Variants in KAT6B observed in about 807,000 individuals in gnomAD.
KAT6B encodes lysine acetyltransferase 6B, also known as histone acetyltransferase KAT6B.
KAT6B carries 10 observed loss-of-function variants against 187.5 expected under a neutral mutation model. The observed-to-expected ratio is 0.05, with a 90% CI of 0.03 to 0.09. The LOEUF (loss-of-function observed/expected upper bound fraction) is 0.09, where lower values mean the gene tolerates loss of function less well. KAT6B is among the 10% of genes least tolerant of loss of function. KAT6B has a pLI of 1.00. For missense variants in KAT6B, 1,952 were observed against 2,558.9 expected (o/e 0.76, Z 5.12); for synonymous variants, 861 against 926.8 (o/e 0.93, Z 1.29).
chr10:74,830,012 G>C (rs1236747555), intron 1 of KAT6B, among the ~76,000 whole-genome samples: 1 of 133,316 alleles, frequency 7.5e-6, no homozygotes. Context: ...GCGAGACTCT[G>C]TCTCAAAAAA....
chr10:74,936,409 A>T (rs1303929646), intron 3 of KAT6B, among the ~76,000 whole-genome samples: 2 of 152,138 alleles, frequency 1.3e-5, no homozygotes, highest in Non-Finnish European at 2.9e-5. Context: ...TCTCAAAAAA[A>T]AAAAAAAAGA....
At chr10:74,916,883 C>T (rs531929770) in intron 3 of KAT6B, among the ~76,000 whole-genome samples, 1 of 152,308 alleles carries the variant, frequency 6.6e-6, no homozygotes, top group Admixed American at 6.5e-5. Context: ...GGGTGGATGT[C>T]TTGAGCTCAG....
chr10:74,894,698 T>G (rs1482548340), intron 3 of KAT6B, among the ~76,000 whole-genome samples: 1 of 152,246 alleles, frequency 6.6e-6, no homozygotes, highest in African/African-American at 2.4e-5. Flanking sequence ...TTTATTTCAC[T>G]TAGCTTAATG....
intron 3 of KAT6B, among the ~76,000 whole-genome samples, chr10:74,867,511 A>C (rs1183642523): frequency 1.3e-5 from 2 of 152,190 alleles, no homozygotes; most frequent in Non-Finnish European, 2.9e-5. Context: ...ATAACTTACT[A>C]ACAAGTTGTT....
chr10:74,917,304 A>G (rs1847762842), intron 3 of KAT6B, among the ~76,000 whole-genome samples: 1 of 152,204 alleles, frequency 6.6e-6, no homozygotes, highest in African/African-American at 2.4e-5. Flanking sequence ...TAAAAAAATT[A>G]TCAGGAAATT....
At position 74,834,389 on chromosome 10, in the gene KAT6B, A is replaced by G. The variant is rs574236858; in HGVS notation, c.-328-4294A>G. On this transcript the variant is annotated intron_variant, in intron 1 of 17. Coordinates refer to ENST00000287239, the MANE Select transcript of KAT6B (RefSeq NM_012330.4). Reference sequence around the variant, plus strand: ...ATTTTTTGTATTTTAGTAGAGATGGAGTTTCACCATGTTGGCCAGGATGGT... The same window carrying G: ...ATTTTTTGTATTTTAGTAGAGATGGGGTTTCACCATGTTGGCCAGGATGGT... Among the ~76,000 whole-genome samples, 34 of 151,852 alleles carry G rather than the reference A, an allele frequency of 2.2e-4. No individual in the cohort carries two copies. The East Asian group carries it at 2.7e-3, about 12-fold the overall frequency.
chr10:74,867,887 A>G (rs1375037245), intron 3 of KAT6B, among the ~76,000 whole-genome samples: 1 of 152,152 alleles, frequency 6.6e-6, no homozygotes, highest in East Asian at 1.9e-4. Flanking sequence ...CCCTTTTGAC[A>G]CTGTTTTCTG....
chr10:74,934,704 TTC>T (rs1849118759), intron 3 of KAT6B, among the ~76,000 whole-genome samples: 1 of 152,200 alleles, frequency 6.6e-6, no homozygotes, highest in African/African-American at 2.4e-5. Flanking sequence ...AGCTATCGTT[TTC>T]TTAGACTCTG....
chr10:74,844,800 A>G (rs1841982882), intron 3 of KAT6B, among the ~76,000 whole-genome samples: 1 of 152,244 alleles, frequency 6.6e-6, no homozygotes, highest in African/African-American at 2.4e-5. Flanking sequence ...GTAGAGCAGC[A>G]GAAAGTTATT....
intron 16 of KAT6B, chr10:75,023,850 A>C (rs1372377843): frequency 3.3e-5 from 5 of 152,138 alleles, no homozygotes; most frequent in African/African-American, 4.8e-5. Context: ...TATAAAAAAT[A>C]AATAAGTATT....
At chr10:74,864,873 C>T (rs1843443392) in intron 3 of KAT6B, among the ~76,000 whole-genome samples, 1 of 152,222 alleles carries the variant, frequency 6.6e-6, no homozygotes, top group African/African-American at 2.4e-5. Flanking sequence ...TGTATTCTTA[C>T]AGGGCTTTTT....
chr10:74,924,325 C>T (rs947614365), intron 3 of KAT6B, among the ~76,000 whole-genome samples: 4 of 152,194 alleles, frequency 2.6e-5, no homozygotes, highest in South Asian at 2.1e-4. Flanking sequence ...GGCCATAATA[C>T]GGCTCATTTT....
chr10:74,972,726 T>G, intron 7 of KAT6B, 87 bp downstream of exon 7: 1 of 1,261,796 alleles, frequency 7.9e-7, no homozygotes, highest in South Asian at 1.3e-5. Context: ...CTTTAGGGGT[T>G]TTTTGGCATC....
intron 3 of KAT6B, among the ~76,000 whole-genome samples, chr10:74,876,981 C>T (rs185401443): frequency 1.7e-3 from 255 of 151,822 alleles, no homozygotes; most frequent in Non-Finnish European, 2.9e-3. Flanking sequence ...GGACAGATTC[C>T]GTCTCAGAAA....
intron 3 of KAT6B, among the ~76,000 whole-genome samples, chr10:74,865,853 C>T (rs756266124): frequency 1.2e-4 from 19 of 152,144 alleles, no homozygotes; most frequent in Non-Finnish European, 2.2e-4. Context: ...TTCACATTAC[C>T]GCACTAAAGA....
intron 3 of KAT6B, among the ~76,000 whole-genome samples, chr10:74,951,043 G>A (rs187550059): frequency 5.9e-5 from 9 of 151,388 alleles, no homozygotes; most frequent in East Asian, 1.9e-4. Flanking sequence ...AGACTAAACC[G>A]ATACATAGTC....
At chr10:75,013,439 G>A (rs1229426876) in intron 13 of KAT6B, among the ~76,000 whole-genome samples, 1 of 150,896 alleles carries the variant, frequency 6.6e-6, no homozygotes, top group African/African-American at 2.4e-5. Context: ...GGAAGGGTGG[G>A]ATGAGAGGAG....
chr10:74,831,068 C>T (rs530383397), intron 1 of KAT6B, among the ~76,000 whole-genome samples: 6 of 152,006 alleles, frequency 3.9e-5, no homozygotes, highest in East Asian at 1.9e-4. Context: ...GGATTACAGG[C>T]GTGAGCCTCT....
At position 74,985,212 on chromosome 10, in the gene KAT6B, G is replaced by A. The variant is rs376747397; in HGVS notation, c.2506G>A (p.Gly836Ser). Residue 836 changes from glycine to serine, a missense_variant, in exon 12 of 18, where the codon GGC becomes AGC. Physicochemically the swap from Gly to Ser is moderately conservative, Grantham distance 56 (BLOSUM62 0). This residue lies in a region of KAT6B where 87 missense variants were observed against 191.8 expected (regional missense o/e 0.45). Coordinates refer to ENST00000287239, the MANE Select transcript of KAT6B (RefSeq NM_012330.4). ...TGTCCTTACAAAAAATGATGAAAAG[G>A]GCTGTCATCTGGTTGGATACTTCTC... ...FYVLTKNDEK[G>S]CHLVGYFSKE... The A allele has an allele frequency of 6.2e-7, 1 of 1,614,024 alleles. No homozygotes were observed. Among genetic ancestry groups the A allele is most frequent in the Admixed American group, 1.7e-5 (1 of 60,022 alleles).
Sources: allele counts gnomAD v4.1 joint callset (sites outside exome capture counted in the v4.1 genomes callset), GRCh38; gene constraint gnomAD v4.1.1; regional missense constraint gnomAD v4.1.1; transcripts MANE v1.5; gene names NCBI Gene and HGNC (gene_info 2026-07-23, HGNC 2026-07-21).